Variants in RAC2 observed in about 807,000 individuals in gnomAD.
The protein encoded by RAC2 is ras-related C3 botulinum toxin substrate 2.
In RAC2, 1 loss-of-function variant was observed where a neutral mutation model predicts 24.0. That is an observed-to-expected ratio of 0.04 (90% CI 0.01 to 0.20). The LOEUF (loss-of-function observed/expected upper bound fraction) is 0.20. Ranked by LOEUF, RAC2 falls within the 10% of genes least tolerant of loss-of-function variation. RAC2 has a pLI of 1.00. For synonymous variants in RAC2, 114 were observed against 106.8 expected, an observed-to-expected ratio of 1.07 and a Z score of -0.41; for missense variants, 130 against 259.1, an observed-to-expected ratio of 0.50 and a Z score of 3.42.
intron 2 of RAC2, among the ~76,000 whole-genome samples, chr22:37,240,311 C>A (rs2157206): frequency 0.41 from 62,441 of 152,156 alleles, 13,234 homozygotes; most frequent in African/African-American, 0.51. Context: ...TGAGGGCCCC[C>A]GCGAGGTTCT....
At chr22:37,230,234 C>T (rs1006571761) in intron 5 of RAC2, among the ~76,000 whole-genome samples, 2 of 151,320 alleles carry the variant, frequency 1.3e-5, no homozygotes, top group African/African-American at 4.9e-5. Context: ...AGATGTGAGT[C>T]CCCAGGGCCC....
At chr22:37,242,800 C>T (rs2145832088) in intron 1 of RAC2, among the ~76,000 whole-genome samples, 1 of 152,336 alleles carries the variant, frequency 6.6e-6, no homozygotes, top group South Asian at 2.1e-4. Flanking sequence ...CTAGATGGGT[C>T]ACAGCCAAAG....
chr22:37,229,666 G>A (rs966577625), intron 5 of RAC2, among the ~76,000 whole-genome samples: 4 of 152,214 alleles, frequency 2.6e-5, no homozygotes, highest in Admixed American at 1.3e-4. Context: ...CTGGTCTGAG[G>A]CACAGTTAAA....
intron 6 of RAC2, 75 bp downstream of exon 6, chr22:37,226,596 C>T: frequency 6.3e-7 from 1 of 1,577,242 alleles, no homozygotes; most frequent in South Asian, 1.1e-5. Flanking sequence ...ATGCCACTCA[C>T]AGTGAACCAA....
chr22:37,226,731 C>G lies in RAC2; in HGVS notation c.521G>C (p.Arg174Pro), dbSNP rs542730360. ...GLKTVFDEAI[R>P]AVLCPQPTRQ... ...CGTGGGCTGAGGGCACAGCACGGCCCGGATGGCCTCGTCGAACACGGTTTT... is the reference window on the plus strand; with the variant it reads ...CGTGGGCTGAGGGCACAGCACGGCCGGGATGGCCTCGTCGAACACGGTTTT... Residue 174 changes from arginine to proline, a missense_variant, in exon 6 of 7, where the codon CGG becomes CCG. Physicochemically the swap from Arg to Pro is moderately radical, Grantham distance 103 (BLOSUM62 -2). This residue lies in a region of RAC2 where 119 missense variants were observed against 192.1 expected (regional missense o/e 0.62). Transcript: ENST00000249071. 2 of 1,613,064 alleles carry G rather than the reference C, an allele frequency of 1.2e-6. No individual in the cohort carries two copies.
chr22:37,242,372 T>C (rs1927425574), intron 1 of RAC2, among the ~76,000 whole-genome samples: 1 of 152,194 alleles, frequency 6.6e-6, no homozygotes, highest in African/African-American at 2.4e-5. Flanking sequence ...AAAATGGACC[T>C]ATTAGGTTTG....
intron 2 of RAC2, among the ~76,000 whole-genome samples, chr22:37,237,223 G>A (rs555754829): frequency 3.3e-5 from 5 of 149,648 alleles, no homozygotes; most frequent in Admixed American, 3.3e-4. Flanking sequence ...GAGGGAGGAA[G>A]GGAGGGAGGG....
chr22:37,243,526 C>T (rs1277577564), intron 1 of RAC2, among the ~76,000 whole-genome samples: 1 of 152,178 alleles, frequency 6.6e-6, no homozygotes, highest in Admixed American at 6.5e-5. Context: ...CTCCCCAACC[C>T]GGTAGGCTGA....
At chr22:37,234,205 G>A (rs1927157015) in intron 2 of RAC2, among the ~76,000 whole-genome samples, 2 of 152,260 alleles carry the variant, frequency 1.3e-5, no homozygotes, top group African/African-American at 2.4e-5. Flanking sequence ...CACGGGGTGA[G>A]GGGCCTGACA....
chr22:37,226,848 G>T (rs114426762), intron 5 of RAC2, 45 bp from the exon 6 acceptor site: 1 of 1,565,314 alleles, frequency 6.4e-7, no homozygotes, highest in Non-Finnish European at 8.7e-7. Context: ...AAGTGGCGGG[G>T]GGGGTTCTGG....
chr22:37,235,044 C>T (rs1003870281), intron 2 of RAC2, among the ~76,000 whole-genome samples: 3 of 152,170 alleles, frequency 2.0e-5, no homozygotes, highest in Non-Finnish European at 2.9e-5. Context: ...CCTGCTTATT[C>T]TCCACAGTCT....
intron 3 of RAC2, chr22:37,232,457 C>T: frequency 2.3e-6 from 1 of 441,516 alleles, no homozygotes; most frequent in Non-Finnish European, 4.2e-6. Flanking sequence ...GCATCCTCCA[C>T]CTCTCCCCTC....
At chr22:37,226,259 C>T (rs1926833071) in intron 6 of RAC2, among the ~76,000 whole-genome samples, 1 of 151,970 alleles carries the variant, frequency 6.6e-6, no homozygotes, top group Non-Finnish European at 1.5e-5. Flanking sequence ...TCACTGACCC[C>T]ACCATCTGCC....
intron 1 of RAC2, among the ~76,000 whole-genome samples, chr22:37,242,426 T>C (rs1406119064): frequency 1.3e-5 from 2 of 152,122 alleles, no homozygotes; most frequent in African/African-American, 4.8e-5. Flanking sequence ...CCAGAGCTGG[T>C]ACATAGGAAG....
At chr22:37,232,510 G>C (rs1237335428) in intron 3 of RAC2, 1 of 492,202 alleles carries the variant, frequency 2.0e-6, no homozygotes, top group African/African-American at 1.9e-5. Flanking sequence ...TGCCTCCTGG[G>C]GCCCTGTGCA....
rs575338369 is a variant in RAC2 at position 37,233,286 on chromosome 22, G to T, written c.108-368C>A. ...GTTTGCTTTTTGTTGTTTTTTGTTT[G>T]TTTGTTTGTTTTTTGAAATGGAATC... On this transcript the variant is annotated intron_variant, in intron 2 of 6. Transcript: ENST00000249071. Among the ~76,000 whole-genome samples, 782 of 149,550 alleles carry T rather than the reference G, an allele frequency of 5.2e-3. 5 individuals are homozygous for T. The highest frequency in any genetic ancestry group is 0.018 in the African/African-American group (718 of 40,674).
chr22:37,241,674 T>G lies in RAC2; in HGVS notation c.36-16A>C. The G allele has an allele frequency of 6.2e-7, 1 of 1,611,700 alleles. No homozygotes were observed. The highest frequency in any genetic ancestry group is 8.5e-7 in the Non-Finnish European group (1 of 1,177,824). ...GCCCACGGCCCTGAAAGACAGGAAG[T>G]GCAAGAGGGCGGCGGTCATGGGCTC... On this transcript the variant is annotated splice_polypyrimidine_tract_variant and intron_variant, in intron 1 of 6. Coordinates refer to ENST00000249071, the MANE Select transcript of RAC2 (RefSeq NM_002872.5).
intron 5 of RAC2, among the ~76,000 whole-genome samples, chr22:37,228,043 C>A (rs1180083237): frequency 6.6e-6 from 1 of 152,194 alleles, no homozygotes; most frequent in Non-Finnish European, 1.5e-5. Context: ...CCCAGGGTTG[C>A]AAATAATCCC....
intron 2 of RAC2, 38 bp from the exon 3 acceptor site, chr22:37,232,956 C>T (rs1235507680): frequency 6.7e-7 from 1 of 1,481,896 alleles, no homozygotes. Context: ...AGGTCAATCT[C>T]AAACCCCAGA....
Sources: allele counts gnomAD v4.1 joint callset (sites outside exome capture counted in the v4.1 genomes callset), GRCh38; gene constraint gnomAD v4.1.1; regional missense constraint gnomAD v4.1.1; transcripts MANE v1.5; gene names NCBI Gene and HGNC (gene_info 2026-07-23, HGNC 2026-07-21).